Variants in CCNYL1 observed in about 807,000 individuals in gnomAD.
CCNYL1 encodes cyclin-Y-like protein 1.
In CCNYL1, 16 loss-of-function variants were observed where a neutral mutation model predicts 44.2. The observed-to-expected ratio is 0.36, with a 90% CI of 0.25 to 0.55. CCNYL1 has a LOEUF of 0.55. Ranked by LOEUF, CCNYL1 falls within the 20% of genes least tolerant of loss-of-function variation. CCNYL1 has a pLI of 0.85. For synonymous variants in CCNYL1, 159 were observed against 163.2 expected (o/e 0.97, Z 0.20); for missense variants, 348 against 451.8 (o/e 0.77, Z 2.08).
At chr2:207,713,831 A>G (rs547481561) in intron 1 of CCNYL1, among the ~76,000 whole-genome samples, 2 of 152,324 alleles carry the variant, frequency 1.3e-5, no homozygotes, top group East Asian at 3.9e-4. Flanking sequence ...GAGTTAATTG[A>G]TTGTACCTTT....
chr2:207,737,650 G>T lies in CCNYL1; in HGVS notation c.467+204G>T, dbSNP rs540042090. ...TCCCAAAGAGTATTTGTTTATGTTG[G>T]TTATATTGATATTTATTGCATTAGA... On this transcript the variant is annotated intron_variant, in intron 5 of 9. Coordinates refer to ENST00000295414, the MANE Select transcript of CCNYL1 (RefSeq NM_001330218.2). 1.2e-4 allele frequency among the ~76,000 whole-genome samples: 18 copies of T among 151,564 alleles called. 1 individual carries two copies. The South Asian group carries it at 3.8e-3, about 32-fold the overall frequency.
intron 3 of CCNYL1, among the ~76,000 whole-genome samples, chr2:207,731,037 C>T (rs1181212145): frequency 2.6e-5 from 4 of 152,096 alleles, no homozygotes; most frequent in Admixed American, 2.6e-4. Flanking sequence ...ATATTATACT[C>T]TTCTAGTAAG....
intron 8 of CCNYL1, among the ~76,000 whole-genome samples, chr2:207,748,743 C>G (rs1156303028): frequency 6.6e-6 from 1 of 152,200 alleles, no homozygotes; most frequent in Non-Finnish European, 1.5e-5. Context: ...ATACTTGTGA[C>G]TAAAAAGGAA....
chr2:207,753,027 C>CA (rs537104378), intron 9 of CCNYL1, among the ~76,000 whole-genome samples: 2,292 of 125,466 alleles, frequency 0.018, 22 homozygotes, highest in Middle Eastern at 0.047. Context: ...AACTCTGCCT[C>CA]AAAAAAAAAA....
chr2:207,728,877 A>G lies in CCNYL1; in HGVS notation c.330+2001A>G, dbSNP rs184609908. On this transcript the variant is annotated intron_variant, in intron 3 of 9. Coordinates refer to ENST00000295414, the MANE Select transcript of CCNYL1 (RefSeq NM_001330218.2). ...AGTGGCGTGATCTCAGCTCACTGCA[A>G]TCCCCACCTCCCAAGTTCAAGCAAT... 3.0e-3 allele frequency among the ~76,000 whole-genome samples: 455 copies of G among 151,984 alleles called. 5 individuals are homozygous for G. Among genetic ancestry groups the G allele is most frequent in the African/African-American group, 0.01 (426 of 41,442 alleles).
At chr2:207,751,536 A>G (rs1177025374) in intron 9 of CCNYL1, among the ~76,000 whole-genome samples, 2 of 152,136 alleles carry the variant, frequency 1.3e-5, no homozygotes, top group Non-Finnish European at 2.9e-5. Context: ...CCTGGCGAAC[A>G]TGGTGAAACC....
chr2:207,722,727 G>C (rs984209231), intron 1 of CCNYL1, among the ~76,000 whole-genome samples: 1 of 152,034 alleles, frequency 6.6e-6, no homozygotes, highest in Non-Finnish European at 1.5e-5. Context: ...TTGGGAGGCC[G>C]AGGGGGGCAG....
chr2:207,729,882 A>AT (rs77714154), intron 3 of CCNYL1, among the ~76,000 whole-genome samples: 156 of 146,160 alleles, frequency 1.1e-3, no homozygotes, highest in African/African-American at 3.0e-3. Context: ...CGCCTGGCTA[A>AT]TTTTTTTTTT....
At chr2:207,734,857 T>C (rs566914379) in intron 4 of CCNYL1, among the ~76,000 whole-genome samples, 23 of 152,306 alleles carry the variant, frequency 1.5e-4, no homozygotes, top group African/African-American at 5.5e-4. Context: ...CTTTCCTCTC[T>C]CACTTAAAAC....
intron 3 of CCNYL1, among the ~76,000 whole-genome samples, chr2:207,729,656 T>C (rs542925060): frequency 5.3e-5 from 8 of 151,938 alleles, no homozygotes; most frequent in Non-Finnish European, 1.2e-4. Flanking sequence ...TTTATCTCCT[T>C]TCCTTTCCTT....
intron 7 of CCNYL1, among the ~76,000 whole-genome samples, chr2:207,744,248 G>GTGTT (rs2091836099): frequency 6.6e-6 from 1 of 152,066 alleles, no homozygotes; most frequent in Admixed American, 6.5e-5. Context: ...GTGTGTGTGT[G>GTGTT]TTCAAGGAAC....
intron 8 of CCNYL1, among the ~76,000 whole-genome samples, chr2:207,748,542 G>A (rs985575791): frequency 6.6e-5 from 10 of 152,234 alleles, no homozygotes; most frequent in Non-Finnish European, 5.9e-5. Flanking sequence ...GTGCCCACCA[G>A]ACAGTGAGAA....
intron 8 of CCNYL1, 32 bp downstream of exon 8, chr2:207,747,245 A>G: frequency 1.3e-6 from 2 of 1,577,598 alleles, no homozygotes; most frequent in Non-Finnish European, 1.7e-6. Context: ...GAACTTTCTA[A>G]CCATTTTCCA....
At chr2:207,744,182 G>A (rs2091835059) in intron 7 of CCNYL1, among the ~76,000 whole-genome samples, 1 of 151,994 alleles carries the variant, frequency 6.6e-6, no homozygotes, top group Admixed American at 6.6e-5. Flanking sequence ...AAAGAGTGCT[G>A]GCATTACAGG....
intron 1 of CCNYL1, among the ~76,000 whole-genome samples, chr2:207,723,083 G>A (rs1224286373): frequency 6.6e-6 from 1 of 152,084 alleles, no homozygotes; most frequent in East Asian, 1.9e-4. Context: ...TTCAAGATGT[G>A]GAAAAACTTC....
intron 1 of CCNYL1, among the ~76,000 whole-genome samples, chr2:207,721,531 A>AGGG (rs34384763): frequency 6.6e-6 from 1 of 152,186 alleles, no homozygotes; most frequent in African/African-American, 2.4e-5. Flanking sequence ...TCTTCCCCTG[A>AGGG]GGGGGGTGTT....
chr2:207,748,210 C>G (rs2091868568), intron 8 of CCNYL1, among the ~76,000 whole-genome samples: 1 of 152,170 alleles, frequency 6.6e-6, no homozygotes, highest in Non-Finnish European at 1.5e-5. Context: ...AAATTGGTCT[C>G]CTGAGTTAGG....
chr2:207,731,278 T>C (rs547373341), intron 3 of CCNYL1, among the ~76,000 whole-genome samples: 31 of 152,254 alleles, frequency 2.0e-4, no homozygotes, highest in Non-Finnish European at 3.1e-4. Flanking sequence ...TGGATAGGCA[T>C]AGGAGTTCAA....
intron 1 of CCNYL1, among the ~76,000 whole-genome samples, chr2:207,712,362 G>C (rs1284590264): frequency 6.6e-6 from 1 of 152,230 alleles, no homozygotes; most frequent in East Asian, 1.9e-4. Flanking sequence ...CCAAGCCGGC[G>C]TGGGACCCTC....
Sources: gnomAD v4.1 joint callset for allele counts (sites outside exome capture counted in the v4.1 genomes callset) on GRCh38, gnomAD v4.1.1 for gene constraint, MANE v1.5 for transcripts, NCBI Gene and HGNC (gene_info 2026-07-23, HGNC 2026-07-21) for gene names.